CPEB1: variants seen among roughly 807,000 people sequenced by gnomAD.
The protein encoded by CPEB1 is cytoplasmic polyadenylation element binding protein 1.
A neutral mutation model predicts 65.8 loss-of-function variants in CPEB1; 7 were observed. The observed-to-expected ratio is 0.11, with a 90% CI of 0.06 to 0.20. CPEB1 has a LOEUF of 0.20. Ranked by LOEUF, CPEB1 falls within the 10% of genes least tolerant of loss-of-function variation. The pLI is 1.00. For synonymous variants in CPEB1, 262 were observed against 260.0 expected, an observed-to-expected ratio of 1.01 and a Z score of -0.08; for missense variants, 551 against 712.2, an observed-to-expected ratio of 0.77 and a Z score of 2.58.
chr15:82,545,336 A>G (rs540572387), intron 12 of CPEB1, among the ~76,000 whole-genome samples: 1 of 152,326 alleles, frequency 6.6e-6, no homozygotes, highest in African/African-American at 2.4e-5. Context: ...CTCACTTGAG[A>G]GCCTCAGTTT....
chr15:82,572,912 C>T, intron 3 of CPEB1: 1 of 929,836 alleles, frequency 1.1e-6, no homozygotes, highest in Non-Finnish European at 1.5e-6. Context: ...CATCTCCTCC[C>T]ACATCGGTCC....
chr15:82,612,511 A>C (rs1167611411), intron 3 of CPEB1, among the ~76,000 whole-genome samples: 2 of 54,820 alleles, frequency 3.6e-5, no homozygotes, highest in Non-Finnish European at 7.5e-5. Flanking sequence ...AAAAAAAACA[A>C]AAAAAAAAAC....
chr15:82,574,347 A>G (rs933845826), intron 3 of CPEB1, among the ~76,000 whole-genome samples: 1 of 152,160 alleles, frequency 6.6e-6, no homozygotes, highest in African/African-American at 2.4e-5. Flanking sequence ...CAGGTCTGCC[A>G]CTGTGTCTTT....
chr15:82,603,960 T>C (rs536549910), intron 3 of CPEB1, among the ~76,000 whole-genome samples: 36 of 152,252 alleles, frequency 2.4e-4, no homozygotes, highest in African/African-American at 8.7e-4. Flanking sequence ...GGCCCATTCA[T>C]GGGGGAAAAA....
intron 3 of CPEB1, chr15:82,572,995 C>G: frequency 1.3e-6 from 2 of 1,518,428 alleles, no homozygotes; most frequent in Non-Finnish European, 1.8e-6. Flanking sequence ...CCCAGACTCA[C>G]CAGGCAGGCT....
At chr15:82,571,744 CT>C in intron 3 of CPEB1, 7 of 1,394,074 alleles carry the variant, frequency 5.0e-6, no homozygotes, top group Non-Finnish European at 6.5e-6. Flanking sequence ...ACACACACCC[CT>C]ATCCCGTCTG....
At chr15:82,598,215 C>T (rs2042812809) in intron 3 of CPEB1, among the ~76,000 whole-genome samples, 1 of 152,216 alleles carries the variant, frequency 6.6e-6, no homozygotes, top group African/African-American at 2.4e-5. Context: ...GTGGCTCACG[C>T]CTGTAATCCT....
At chr15:82,583,503 G>C (rs1362628363) in intron 3 of CPEB1, 3 of 152,238 alleles carry the variant, frequency 2.0e-5, no homozygotes, top group Admixed American at 1.3e-4. Flanking sequence ...CAGGAAGGCA[G>C]GGTATTTCCA....
intron 3 of CPEB1, 70 bp from the exon 4 acceptor site, chr15:82,571,602 AAT>A (rs1362017996): frequency 6.5e-7 from 1 of 1,529,718 alleles, no homozygotes; most frequent in Non-Finnish European, 8.8e-7. Flanking sequence ...ATCAACAGTA[AAT>A]ATTATTAATA....
At chr15:82,628,342 A>G in intron 2 of CPEB1, 22 bp downstream of exon 2, 1 of 702,902 alleles carries the variant, frequency 1.4e-6, no homozygotes, top group Non-Finnish European at 2.6e-6. Context: ...TGGACCTTGG[A>G]GAAATCCAAG....
chr15:82,624,547 C>T (rs1767342246), intron 3 of CPEB1, among the ~76,000 whole-genome samples: 1 of 152,044 alleles, frequency 6.6e-6, no homozygotes, highest in Non-Finnish European at 1.5e-5. Context: ...GCTGAAGAGC[C>T]CGAGAAGTCT....
chr15:82,580,850 T>C (rs925221751), intron 3 of CPEB1, among the ~76,000 whole-genome samples: 2 of 34,916 alleles, frequency 5.7e-5, no homozygotes, highest in Admixed American at 2.5e-4. Flanking sequence ...CCCCAATTTC[T>C]TTTTTTTTTT....
chr15:82,580,351 G>T (rs2041156619), intron 3 of CPEB1, among the ~76,000 whole-genome samples: 1 of 150,244 alleles, frequency 6.7e-6, no homozygotes. Flanking sequence ...GAAGAAAAAA[G>T]AAATAATGAA....
In CPEB1 at chr15:82,563,503, A is replaced by AT. The variant is rs373097628; in HGVS notation, c.461-5518dup. On this transcript the variant is annotated intron_variant, in intron 4 of 12. Transcript: ENST00000684509. The stretch of plus-strand genomic sequence containing the variant: ...AGCGGCATGCCACCATGTCTGACTA[A>AT]TTTTTTTTTTTTTTTTTTGGTAGAG... Among the ~76,000 whole-genome samples the AT allele has an allele frequency of 3.3e-3, 449 of 134,768 alleles. 3 individuals are homozygous for AT. Among genetic ancestry groups the AT allele is most frequent in the South Asian group, 0.011 (43 of 4,076 alleles). 88.4% of individuals were successfully genotyped at this position (134,768 alleles called of 152,430 possible).
At chr15:82,566,220 G>A (rs562784482) in intron 4 of CPEB1, among the ~76,000 whole-genome samples, 86 of 152,270 alleles carry the variant, frequency 5.6e-4, no homozygotes, top group Middle Eastern at 3.4e-3. Context: ...CTGAGCTTGA[G>A]CTTAGCTGAA....
At chr15:82,610,958 C>CAAAAAAAAAAAAAAAAAAAAAAAAAA (rs60065545) in intron 3 of CPEB1, among the ~76,000 whole-genome samples, 1 of 30,020 alleles carries the variant, frequency 3.3e-5, no homozygotes, top group Non-Finnish European at 5.6e-5. Context: ...ACTCCAGTCT[C>CAAAAAAAAAAAAAAAAAAAAAAAAAA]AAAAAAAAAA....
chr15:82,600,445 A>G (rs573022486), intron 3 of CPEB1, among the ~76,000 whole-genome samples: 2 of 152,306 alleles, frequency 1.3e-5, no homozygotes, highest in African/African-American at 4.8e-5. Flanking sequence ...ATGGAAGAGA[A>G]ATTCAGAGAA....
intron 1 of CPEB1, among the ~76,000 whole-genome samples, chr15:82,636,594 G>T (rs1012509856): frequency 6.6e-6 from 1 of 152,158 alleles, no homozygotes; most frequent in Non-Finnish European, 1.5e-5. Context: ...CAAGAATATT[G>T]AAAGCACATG....
intron 3 of CPEB1, among the ~76,000 whole-genome samples, chr15:82,602,652 C>A (rs536810635): frequency 6.6e-6 from 1 of 152,112 alleles, no homozygotes; most frequent in Non-Finnish European, 1.5e-5. Context: ...TTGAGACCAG[C>A]CTGGCCAACA....
Sources: gnomAD v4.1 joint callset for allele counts (sites outside exome capture counted in the v4.1 genomes callset) on GRCh38, gnomAD v4.1.1 for gene constraint, MANE v1.5 for transcripts, NCBI Gene and HGNC (gene_info 2026-07-23, HGNC 2026-07-21) for gene names.